Variants in PRKCZ observed in about 807,000 individuals in gnomAD.
PRKCZ encodes the protein protein kinase C zeta type.
A neutral mutation model predicts 79.5 loss-of-function variants in PRKCZ; 33 were observed. The ratio of observed to expected loss-of-function variants is 0.41; its 90% CI spans 0.31 to 0.55. PRKCZ has a LOEUF of 0.55. Ranked by LOEUF, PRKCZ falls within the 20% of genes least tolerant of loss-of-function variation. The pLI is 0.19. For synonymous variants in PRKCZ, 342 were observed against 320.9 expected, an observed-to-expected ratio of 1.07 and a Z score of -0.70; for missense variants, 578 against 813.5, an observed-to-expected ratio of 0.71 and a Z score of 3.52.
intron 4 of PRKCZ, among the ~76,000 whole-genome samples, chr1:2,069,588 G>A (rs1661400971): frequency 6.6e-6 from 1 of 152,192 alleles, no homozygotes; most frequent in Admixed American, 6.5e-5. Flanking sequence ...GTAGGTGGAC[G>A]TGGCAGGGAG....
At chr1:2,113,283 C>T (rs887852061) in intron 4 of PRKCZ, among the ~76,000 whole-genome samples, 10 of 152,156 alleles carry the variant, frequency 6.6e-5, no homozygotes, top group African/African-American at 1.9e-4. Flanking sequence ...CCACTGGTCT[C>T]GCCTTCAGCA....
In PRKCZ at chr1:2,137,734, G is replaced by T. The variant is rs189284406; in HGVS notation, c.420+2387G>T. The stretch of plus-strand genomic sequence containing the variant: ...TTTGAGGAGAAAAGTCCATTCTGCC[G>T]ATGGCAGGTGCAGACCATAAGTGAC... On this transcript the variant is annotated intron_variant, in intron 5 of 17. Transcript: ENST00000378567. Among the ~76,000 whole-genome samples the T allele has an allele frequency of 2.2e-3, 329 of 152,318 alleles. 1 individual carries two copies. Among genetic ancestry groups the T allele is most frequent in the South Asian group, 6.8e-3 (33 of 4,822 alleles).
At chr1:2,166,878 G>A (rs1375023526) in intron 10 of PRKCZ, among the ~76,000 whole-genome samples, 5 of 152,234 alleles carry the variant, frequency 3.3e-5, no homozygotes, top group African/African-American at 1.2e-4. Flanking sequence ...GCAGGACAGC[G>A]CCTGTGGGGC....
chr1:2,113,094 G>T (rs1186809325), intron 4 of PRKCZ, among the ~76,000 whole-genome samples: 1 of 152,240 alleles, frequency 6.6e-6, no homozygotes, highest in Admixed American at 6.5e-5. Context: ...GGTCACCCAG[G>T]TGCCTGCCTC....
At chr1:2,119,681 T>G (rs1293482532) in intron 4 of PRKCZ, among the ~76,000 whole-genome samples, 3 of 152,236 alleles carry the variant, frequency 2.0e-5, no homozygotes, top group Non-Finnish European at 2.9e-5. Context: ...CTAGTCTTCC[T>G]GCAGGACGGC....
At chr1:2,052,308 T>C (rs1659745761) in intron 1 of PRKCZ, among the ~76,000 whole-genome samples, 1 of 152,086 alleles carries the variant, frequency 6.6e-6, no homozygotes, top group Admixed American at 6.5e-5. Flanking sequence ...GGGAGCACTT[T>C]GGTGGTGGGG....
chr1:2,077,911 G>T lies in PRKCZ; in HGVS notation c.334+18320G>T, dbSNP rs974838276. Among the ~76,000 whole-genome samples the T allele has an allele frequency of 2.0e-5, 3 of 152,184 alleles. No individual in the cohort carries two copies. The East Asian group carries it at 5.8e-4, about 29-fold the overall frequency. On this transcript the variant is annotated intron_variant, in intron 4 of 17. Transcript: ENST00000378567. ...AATCATTGAGTGTTTACCTAATTGC[G>T]GGTGACGTGAATATGCATGAGCTAC...
chr1:2,123,754 A>G lies in PRKCZ; in HGVS notation c.335-11508A>G, dbSNP rs187503913. ...CGGTGGTGGTTAGGGTCACGGTGGT[A>G]GTTAGGGTCACGGTGGTGGTTAGGG... On this transcript the variant is annotated intron_variant, in intron 4 of 17. Transcript: ENST00000378567. Among the ~76,000 whole-genome samples the G allele has an allele frequency of 9.8e-3, 45 of 4,586 alleles. 4 individuals are homozygous for G. The highest frequency in any genetic ancestry group is 0.071 in the Middle Eastern group (1 of 14). The allele number at this position is 4,586 out of a possible 152,430, so 3.0% of individuals were successfully genotyped here.
rs768206691 is a variant in PRKCZ at position 2,185,029 on chromosome 1, G to C, written c.*20G>C. ...GTGTGAGGCCGCGTGCGTCTCTGTC[G>C]TGGACACGCGTGATTGACCCTTTAA... On this transcript the variant is annotated 3_prime_UTR_variant, in exon 18 of 18. Coordinates refer to ENST00000378567, the MANE Select transcript of PRKCZ (RefSeq NM_002744.6). 1.3e-6 allele frequency: 2 copies of C among 1,585,534 alleles called. No individual in the cohort carries two copies. Among genetic ancestry groups the C allele is most frequent in the Non-Finnish European group, 1.7e-6 (2 of 1,159,400 alleles).
intron 10 of PRKCZ, among the ~76,000 whole-genome samples, chr1:2,158,578 G>A (rs1481220519): frequency 3.3e-5 from 5 of 152,190 alleles, no homozygotes; most frequent in Admixed American, 6.5e-5. Context: ...TTGGGAATAC[G>A]CCCAGGGGAA....
rs1037237686 is a variant in PRKCZ at position 2,125,135 on chromosome 1, C to T, written c.335-10127C>T. Reference sequence around the variant, plus strand: ...ACACGGAGCTCAGCAGTGAGGAACTCGGAGCAGCTTCTTGTTGTTGGTGTT... The same window carrying T: ...ACACGGAGCTCAGCAGTGAGGAACTTGGAGCAGCTTCTTGTTGTTGGTGTT... On this transcript the variant is annotated intron_variant, in intron 4 of 17. Transcript: ENST00000378567. This position sits in a 1 kb window ranked among gnomAD's most constrained non-coding sequence, Gnocchi z 4.2. Among the ~76,000 whole-genome samples the T allele has an allele frequency of 5.3e-5, 8 of 152,114 alleles. No individual in the cohort carries two copies. Among genetic ancestry groups the T allele is most frequent in the South Asian group, 2.1e-4 (1 of 4,830 alleles).
intron 7 of PRKCZ, among the ~76,000 whole-genome samples, chr1:2,148,440 C>T (rs377041548): frequency 1.3e-5 from 2 of 151,664 alleles, no homozygotes; most frequent in African/African-American, 4.8e-5. Flanking sequence ...TCTATCCATC[C>T]ATCTATTGTC....
chr1:2,110,971 G>C (rs1415167755), intron 4 of PRKCZ, among the ~76,000 whole-genome samples: 1 of 152,090 alleles, frequency 6.6e-6, no homozygotes, highest in Admixed American at 6.5e-5. Flanking sequence ...CCTCGGGTGC[G>C]AGGCCTGCCA....
At chr1:2,179,159 T>A (rs1686056357) in intron 16 of PRKCZ, among the ~76,000 whole-genome samples, 1 of 152,204 alleles carries the variant, frequency 6.6e-6, no homozygotes, top group South Asian at 2.1e-4. Context: ...GCTCATCTTG[T>A]CGGGGGCTCC....
chr1:2,155,792 A>G (rs1680919746), intron 9 of PRKCZ, among the ~76,000 whole-genome samples: 1 of 150,960 alleles, frequency 6.6e-6, no homozygotes, highest in Non-Finnish European at 1.5e-5. Context: ...AGTGACAATG[A>G]TGATGATGGT....
intron 10 of PRKCZ, among the ~76,000 whole-genome samples, chr1:2,157,276 C>T (rs1429566601): frequency 2.0e-5 from 3 of 152,192 alleles, no homozygotes; most frequent in Non-Finnish European, 4.4e-5. Context: ...GCCCGGAAGT[C>T]ATGTACAGCC....
In PRKCZ at chr1:2,178,502, C is replaced by T. The variant is rs1330652096; in HGVS notation, c.1575+3189C>T. On this transcript the variant is annotated intron_variant, in intron 16 of 17. Transcript: ENST00000378567. The surrounding 1 kb of genome is among the most constrained non-coding windows in gnomAD (Gnocchi z 4.3). ...GTGCTGCCGTGAACACCTGTGAACC[C>T]GCTTCTGGGTGGACTCGTGCTGCTG... Among the ~76,000 whole-genome samples, 1 of 151,644 alleles carries T rather than the reference C, an allele frequency of 6.6e-6. No homozygotes were observed. Among genetic ancestry groups the T allele is most frequent in the South Asian group, 2.1e-4 (1 of 4,826 alleles).
Position 2,179,526 on chromosome 1 carries a change from T to C in PRKCZ, c.1575+4213T>C, listed in dbSNP as rs141579622. The stretch of plus-strand genomic sequence containing the variant: ...CAGCATGGTCCCAGCTCCCCACTGA[T>C]GTGAAAGGTGGTGGTGAGTTAACAG... On this transcript the variant is annotated intron_variant, in intron 16 of 17. Transcript: ENST00000378567. 1.0e-3 allele frequency among the ~76,000 whole-genome samples: 157 copies of C among 152,326 alleles called. 5 individuals are homozygous for C. The East Asian group carries it at 0.028, about 27-fold the overall frequency.
At chr1:2,087,551 G>A (rs1664738298) in intron 4 of PRKCZ, among the ~76,000 whole-genome samples, 1 of 152,246 alleles carries the variant, frequency 6.6e-6, no homozygotes, top group South Asian at 2.1e-4. Context: ...TACAACCTTC[G>A]CTCCCAAGGG....
Sources: gnomAD v4.1 joint callset for allele counts (sites outside exome capture counted in the v4.1 genomes callset) on GRCh38, gnomAD v4.1.1 for gene constraint, Gnocchi (gnomAD v3.1) non-coding constraint, MANE v1.5 for transcripts, NCBI Gene and HGNC (gene_info 2026-07-23, HGNC 2026-07-21) for gene names.